Variants in KREMEN1 observed in about 807,000 individuals in gnomAD.
KREMEN1 encodes the protein kremen protein 1.
A neutral mutation model predicts 46.5 loss-of-function variants in KREMEN1; 30 were observed. The observed-to-expected ratio is 0.65, with a 90% confidence interval of 0.48 to 0.88. The LOEUF is 0.88. Among genes scored for constraint, KREMEN1 ranks in the 40% least tolerant of loss-of-function variants. The probability of loss-of-function intolerance (pLI) is 0.00; values close to 1 mark genes in which losing one functional copy is unlikely to be tolerated. For synonymous variants in KREMEN1, 214 were observed against 230.6 expected (o/e 0.93, Z 0.65); for missense variants, 533 against 596.9 (o/e 0.89, Z 1.11).
At position 29,145,073 on chromosome 22, in the gene KREMEN1, C is replaced by T. The variant is rs945232561; in HGVS notation, c.*2961C>T. 63 of 985,338 alleles carry T rather than the reference C, an allele frequency of 6.4e-5. No homozygotes were observed. The highest frequency in any genetic ancestry group is 2.8e-4 in the South Asian group (6 of 21,284). The allele number at this position is 985,338 out of a possible 1,614,324, so 61.0% of individuals were successfully genotyped here. A position where few individuals can be genotyped will look rare whatever the true frequency, so the allele number is the denominator to read the frequency against. On this transcript the variant is annotated 3_prime_UTR_variant, in exon 9 of 9. Transcript: ENST00000400335. The stretch of plus-strand genomic sequence containing the variant: ...AGCCTCCGTGGGCACTGGCTCCTGC[C>T]GCAGCCTGGCTATGGACTCAGTTAG...
intron 3 of KREMEN1, among the ~76,000 whole-genome samples, chr22:29,108,542 A>G (rs984219304): frequency 6.6e-6 from 1 of 152,224 alleles, no homozygotes. Flanking sequence ...GTCCTAGCAC[A>G]TATCAGGTAG....
At position 29,073,239 on chromosome 22, in the gene KREMEN1, C is replaced by A; in HGVS notation, c.97+12C>A. Reference sequence around the variant, plus strand: ...CGGCCCCGGACCCGGTGAGTGTGAGCGACCCCCCGCCGCCCGCCCTGAGCG... The same window carrying A: ...CGGCCCCGGACCCGGTGAGTGTGAGAGACCCCCCGCCGCCCGCCCTGAGCG... On this transcript the variant is annotated intron_variant, in intron 1 of 8. Transcript: ENST00000400335. The surrounding 1 kb of genome is among the most constrained non-coding windows in gnomAD (Gnocchi z 4.4). 1 of 1,119,528 alleles carries A rather than the reference C, an allele frequency of 8.9e-7. No homozygotes were observed. Among genetic ancestry groups the A allele is most frequent in the Non-Finnish European group, 1.1e-6 (1 of 900,538 alleles). 69.3% of individuals were successfully genotyped at this position (1,119,528 alleles called of 1,614,324 possible).
chr22:29,148,390 G>GC (rs2038888183), downstream of KREMEN1, among the ~76,000 whole-genome samples: 1 of 152,180 alleles, frequency 6.6e-6, no homozygotes, highest in Non-Finnish European at 1.5e-5. Context: ...ACCAAGGTGG[G>GC]CAGGAGTAGG....
chr22:29,106,278 T>C (rs1034453559), intron 3 of KREMEN1, among the ~76,000 whole-genome samples: 42 of 151,754 alleles, frequency 2.8e-4, no homozygotes, highest in African/African-American at 1.0e-3. Flanking sequence ...TGGAGTGCAG[T>C]GGTGTGATCT....
intron 5 of KREMEN1, among the ~76,000 whole-genome samples, chr22:29,130,848 G>A (rs569938835): frequency 5.3e-5 from 8 of 152,118 alleles, no homozygotes; most frequent in Non-Finnish European, 1.0e-4. Context: ...TGTATATGTC[G>A]GGCTAATCTC....
rs914099282 is a variant in KREMEN1 at position 29,145,544 on chromosome 22, G to T, written c.*3432G>T. 1.8e-5 allele frequency: 18 copies of T among 985,452 alleles called. No individual in the cohort carries two copies. In the Admixed American group the frequency reaches 9.2e-4, roughly 50 times the overall value. 61.0% of individuals were successfully genotyped at this position (985,452 alleles called of 1,614,324 possible). On this transcript the variant is annotated 3_prime_UTR_variant, in exon 9 of 9. Transcript: ENST00000400335. ...TCTTGTCACTCTCCGTGGTGACAGT[G>T]TCTTGGCCAGCTGTGGCCCCTAGTT...
intron 3 of KREMEN1, among the ~76,000 whole-genome samples, chr22:29,102,358 G>A (rs1231287918): frequency 6.6e-6 from 1 of 152,100 alleles, no homozygotes; most frequent in Non-Finnish European, 1.5e-5. Flanking sequence ...CAGAAGAATG[G>A]GCTTTTGCTC....
At chr22:29,125,189 A>C (rs1601793794) in intron 4 of KREMEN1, 74 bp from the exon 5 acceptor site, 1 of 1,560,186 alleles carries the variant, frequency 6.4e-7, no homozygotes, top group Non-Finnish European at 8.8e-7. Context: ...CTGGAAGCCC[A>C]CCCTGCCAGG....
chr22:29,135,274 G>A (rs1443654763), intron 5 of KREMEN1, among the ~76,000 whole-genome samples: 1 of 152,168 alleles, frequency 6.6e-6, no homozygotes, highest in Non-Finnish European at 1.5e-5. Context: ...TTGATAGGAA[G>A]GGGAATTTCA....
intron 9 of KREMEN1, among the ~76,000 whole-genome samples, chr22:29,160,479 G>T (rs1249538987): frequency 2.0e-5 from 3 of 150,706 alleles, no homozygotes; most frequent in African/African-American, 7.4e-5. Context: ...GATGGAGGTT[G>T]CAGTGAGCCG....
chr22:29,106,896 G>C (rs970399423), intron 3 of KREMEN1, among the ~76,000 whole-genome samples: 2 of 152,242 alleles, frequency 1.3e-5, no homozygotes, highest in Non-Finnish European at 2.9e-5. Flanking sequence ...TGCAGTTCAT[G>C]CTGTTAGCTC....
At chr22:29,101,818 A>G (rs564931169) in intron 3 of KREMEN1, among the ~76,000 whole-genome samples, 2 of 152,328 alleles carry the variant, frequency 1.3e-5, no homozygotes, top group African/African-American at 4.8e-5. Flanking sequence ...AGTGCACTCT[A>G]TGATGGTCAC....
rs962188497 is a variant in KREMEN1, at chr22:29,073,925, C to T, written c.97+698C>T. Among the ~76,000 whole-genome samples, 1 of 152,186 alleles carries T rather than the reference C, an allele frequency of 6.6e-6. No homozygotes were observed. The highest frequency in any genetic ancestry group is 2.4e-5 in the African/African-American group (1 of 41,456). ...CTACAAGAGGCTATACGCCCCTCTC[C>T]GAGACCTCCAGCGACATCCCTCCCC... On this transcript the variant is annotated intron_variant, in intron 1 of 8. Transcript: ENST00000400335. This position sits in a 1 kb window ranked among gnomAD's most constrained non-coding sequence, Gnocchi z 4.4.
At chr22:29,141,847 C>A in intron 8 of KREMEN1, 97 bp from the exon 9 acceptor site, 1 of 990,018 alleles carries the variant, frequency 1.0e-6, no homozygotes. Context: ...TTCCCAAGAC[C>A]TTGCCCCACC....
intron 3 of KREMEN1, among the ~76,000 whole-genome samples, chr22:29,107,348 C>T (rs900123143): frequency 6.6e-6 from 1 of 151,568 alleles, no homozygotes; most frequent in Non-Finnish European, 1.5e-5. Context: ...CTCAGCCTCC[C>T]AAGTAGCTGG....
At chr22:29,118,218 C>T (rs2038274803) in intron 3 of KREMEN1, among the ~76,000 whole-genome samples, 1 of 152,212 alleles carries the variant, frequency 6.6e-6, no homozygotes, top group Non-Finnish European at 1.5e-5. Flanking sequence ...ATTATTGCTT[C>T]ACAGAAATAT....
At chr22:29,136,211 C>T (rs745641639) in intron 5 of KREMEN1, among the ~76,000 whole-genome samples, 38 of 151,614 alleles carry the variant, frequency 2.5e-4, no homozygotes, top group Non-Finnish European at 4.9e-4. Flanking sequence ...CGTGAGCCAC[C>T]GCGCCCGGAC....
Position 29,116,773 on chromosome 22 carries a change from G to A in KREMEN1, c.353-4584G>A, listed in dbSNP as rs77998217. 7.5e-3 allele frequency among the ~76,000 whole-genome samples: 1,138 copies of A among 152,202 alleles called. 6 individuals carry two copies. The highest frequency in any genetic ancestry group is 0.024 in the African/African-American group (1,017 of 41,522). ...TTAAATGCCTGGCTCAGGTTTCCAC[G>A]CACAAGGTCCTTTAACAAACTCAGT... On this transcript the variant is annotated intron_variant, in intron 3 of 8. Transcript: ENST00000400335.
intron 1 of KREMEN1, among the ~76,000 whole-genome samples, chr22:29,086,798 G>A (rs1208946930): frequency 1.3e-5 from 2 of 152,002 alleles, no homozygotes; most frequent in South Asian, 2.1e-4. Context: ...TCACTCCATC[G>A]CCCAGGCTGG....
Sources: allele counts gnomAD v4.1 joint callset (sites outside exome capture counted in the v4.1 genomes callset), GRCh38; gene constraint gnomAD v4.1.1; non-coding constraint Gnocchi (gnomAD v3.1); transcripts MANE v1.5; gene names NCBI Gene and HGNC (gene_info 2026-07-23, HGNC 2026-07-21).